Variants in FAM81A observed in about 807,000 individuals in gnomAD.
FAM81A encodes the protein protein FAM81A.
FAM81A carries 19 observed loss-of-function variants against 46.7 expected under a neutral mutation model. The ratio of observed to expected loss-of-function variants is 0.41; its 90% CI spans 0.28 to 0.60. The LOEUF (loss-of-function observed/expected upper bound fraction) is 0.60, where lower values mean the gene tolerates loss of function less well. FAM81A is among the 20% of genes least tolerant of loss of function. The pLI is 0.34. For missense variants in FAM81A, 377 were observed against 453.5 expected (o/e 0.83, Z 1.53); for synonymous variants, 183 against 152.9 (o/e 1.20, Z -1.45).
chr15:59,488,554 T>C (rs1163850025), intron 3 of FAM81A, among the ~76,000 whole-genome samples: 1 of 152,212 alleles, frequency 6.6e-6, no homozygotes, highest in Non-Finnish European at 1.5e-5. Flanking sequence ...TTAGTACTGA[T>C]AAACAAATTC....
At chr15:59,515,021 G>T (rs2141838284) in intron 7 of FAM81A, among the ~76,000 whole-genome samples, 1 of 152,252 alleles carries the variant, frequency 6.6e-6, no homozygotes, top group African/African-American at 2.4e-5. Flanking sequence ...GAGGCGGGAG[G>T]ATCGCTTGAG....
intron 3 of FAM81A, among the ~76,000 whole-genome samples, chr15:59,490,495 G>T (rs1316040822): frequency 6.6e-6 from 1 of 152,126 alleles, no homozygotes; most frequent in Non-Finnish European, 1.5e-5. Context: ...ATATGAAAAG[G>T]TGCTCAACAT....
intron 1 of FAM81A, among the ~76,000 whole-genome samples, chr15:59,452,133 T>G (rs561800988): frequency 1.3e-5 from 2 of 152,390 alleles, no homozygotes; most frequent in South Asian, 4.1e-4. Flanking sequence ...TCTTCAGATT[T>G]CGTTGTCAAA....
chr15:59,520,681 C>G (rs2082318721), intron 8 of FAM81A, among the ~76,000 whole-genome samples: 1 of 151,750 alleles, frequency 6.6e-6, no homozygotes, highest in Non-Finnish European at 1.5e-5. Flanking sequence ...CTCCCTGCCT[C>G]AGCCTCCCGA....
chr15:59,500,099 C>T lies in FAM81A; in HGVS notation c.414-7114C>T, dbSNP rs138599677. Among the ~76,000 whole-genome samples, 602 of 151,048 alleles carry T rather than the reference C, an allele frequency of 4.0e-3. 7 individuals are homozygous for T. Among genetic ancestry groups the T allele is most frequent in the African/African-American group, 0.014 (590 of 41,188 alleles). Reference sequence around the variant, plus strand: ...AACTCCTGGCCTCAAGTGATCTGCCCGCCTCAGCTTCCCAAAGTGCTGGGA... The same window carrying T: ...AACTCCTGGCCTCAAGTGATCTGCCTGCCTCAGCTTCCCAAAGTGCTGGGA... On this transcript the variant is annotated intron_variant, in intron 4 of 8. Coordinates refer to ENST00000288228, the MANE Select transcript of FAM81A (RefSeq NM_152450.3).
intron 3 of FAM81A, among the ~76,000 whole-genome samples, chr15:59,480,443 C>A (rs2081835622): frequency 6.6e-6 from 1 of 152,138 alleles, no homozygotes; most frequent in African/African-American, 2.4e-5. Flanking sequence ...CACATTGAGG[C>A]TCCCACAGAA....
In FAM81A at chr15:59,521,865, T is replaced by C. The variant is rs1289786144; in HGVS notation, c.*487T>C. 1 of 152,352 alleles carries C rather than the reference T, an allele frequency of 6.6e-6. No individual in the cohort carries two copies. Among genetic ancestry groups the C allele is most frequent in the East Asian group, 1.9e-4 (1 of 5,204 alleles). 9.4% of individuals were successfully genotyped at this position (152,352 alleles called of 1,614,324 possible). On this transcript the variant is annotated 3_prime_UTR_variant, in exon 9 of 9. Coordinates refer to ENST00000288228, the MANE Select transcript of FAM81A (RefSeq NM_152450.3). The stretch of plus-strand genomic sequence containing the variant: ...CAATTTGGATTTTATTATCGTTGTC[T>C]ATGCACTTCTTATATTGGTTATCTT...
At chr15:59,409,815 A>T (rs1163753618) in intron 2 of FAM81A, among the ~76,000 whole-genome samples, 1 of 152,206 alleles carries the variant, frequency 6.6e-6, no homozygotes, top group Non-Finnish European at 1.5e-5. Flanking sequence ...GCCTCACTTT[A>T]CAAAAAAATT....
intron 7 of FAM81A, among the ~76,000 whole-genome samples, chr15:59,516,227 G>A (rs1490513336): frequency 1.3e-5 from 2 of 150,498 alleles, no homozygotes; most frequent in African/African-American, 4.9e-5. Flanking sequence ...CCCTGTTCAA[G>A]TGATTCTCCT....
intron 3 of FAM81A, among the ~76,000 whole-genome samples, chr15:59,490,995 A>G (rs1278375655): frequency 1.3e-5 from 2 of 152,180 alleles, no homozygotes; most frequent in African/African-American, 4.8e-5. Context: ...CACTGTGGAG[A>G]ACACTTTGGA....
intron 1 of FAM81A, among the ~76,000 whole-genome samples, chr15:59,452,698 T>G (rs2081433387): frequency 6.6e-6 from 1 of 152,190 alleles, no homozygotes; most frequent in Non-Finnish European, 1.5e-5. Context: ...TGACGTGGAA[T>G]CATGCTCATG....
At chr15:59,426,340 C>T (rs942623776) in intron 2 of FAM81A, among the ~76,000 whole-genome samples, 1 of 152,028 alleles carries the variant, frequency 6.6e-6, no homozygotes, top group Non-Finnish European at 1.5e-5. Context: ...GGTGTGATGG[C>T]TCTTGCCTGT....
chr15:59,491,182 A>C (rs567581589), intron 3 of FAM81A, among the ~76,000 whole-genome samples: 23 of 152,342 alleles, frequency 1.5e-4, no homozygotes, highest in African/African-American at 4.8e-4. Flanking sequence ...TCAACAGGCA[A>C]ATGGATAAAG....
chr15:59,406,230 T>G (rs1259869658), intron 2 of FAM81A, among the ~76,000 whole-genome samples: 1 of 152,178 alleles, frequency 6.6e-6, no homozygotes, highest in Non-Finnish European at 1.5e-5. Flanking sequence ...CCTGCCTACC[T>G]TCTCACATTC....
chr15:59,441,560 C>T (rs1198100483), intron 1 of FAM81A, among the ~76,000 whole-genome samples: 3 of 152,218 alleles, frequency 2.0e-5, no homozygotes, highest in African/African-American at 7.2e-5. Flanking sequence ...CTTCTTTGTC[C>T]ACTCACCTAT....
chr15:59,417,116 C>T (rs2081150030), intron 2 of FAM81A, among the ~76,000 whole-genome samples: 1 of 152,008 alleles, frequency 6.6e-6, no homozygotes, highest in Admixed American at 6.6e-5. Context: ...CTGGGAAATA[C>T]ATTTTTAAAA....
intron 1 of FAM81A, among the ~76,000 whole-genome samples, chr15:59,401,054 T>C (rs1171945337): frequency 6.6e-6 from 1 of 152,234 alleles, no homozygotes; most frequent in African/African-American, 2.4e-5. Context: ...GCATTATTAT[T>C]TTTATAATGA....
chr15:59,468,676 T>C (rs1470492184), intron 3 of FAM81A, among the ~76,000 whole-genome samples: 4 of 152,028 alleles, frequency 2.6e-5, no homozygotes, highest in Non-Finnish European at 5.9e-5. Flanking sequence ...CCTGGATTCA[T>C]TGATTTTTTT....
chr15:59,460,348 C>A lies in FAM81A; in HGVS notation c.294+142C>A. On this transcript the variant is annotated intron_variant, in intron 3 of 8. Transcript: ENST00000288228. The surrounding 1 kb of genome is among the most constrained non-coding windows in gnomAD (Gnocchi z 4.4). ...GTCTGTCTTGTCTATTCTTAATGAT[C>A]GCCAAGGAGACAGCTTGCAGAAATA... is the stretch of plus-strand genomic sequence containing the variant. 1.8e-6 allele frequency: 2 copies of A among 1,100,322 alleles called. No individual in the cohort carries two copies. Among genetic ancestry groups the A allele is most frequent in the South Asian group, 2.5e-5 (2 of 80,120 alleles). The allele number at this position is 1,100,322 out of a possible 1,614,324, so 68.2% of individuals were successfully genotyped here.
Sources: gnomAD v4.1 joint callset for allele counts (sites outside exome capture counted in the v4.1 genomes callset) on GRCh38, gnomAD v4.1.1 for gene constraint, Gnocchi (gnomAD v3.1) non-coding constraint, MANE v1.5 for transcripts, NCBI Gene and HGNC (gene_info 2026-07-23, HGNC 2026-07-21) for gene names.